The following ROBO1 variants were observed in gnomAD, a reference collection of about 807,000 sequenced individuals.
ROBO1 encodes the protein roundabout guidance receptor 1.
ROBO1 carries 149 observed loss-of-function variants against 195.9 expected under a neutral mutation model. The ratio of observed to expected loss-of-function variants is 0.76; its 90% CI spans 0.67 to 0.87. The LOEUF is 0.87. ROBO1 is among the 40% of genes least tolerant of loss of function. The probability of loss-of-function intolerance (pLI) is 0.00; values close to 1 mark genes in which losing one functional copy is unlikely to be tolerated. For missense variants in ROBO1, 1,933 were observed against 2,068.3 expected, an observed-to-expected ratio of 0.93 and a Z score of 1.27; for synonymous variants, 816 against 733.2, an observed-to-expected ratio of 1.11 and a Z score of -1.82.
intron 2 of ROBO1, among the ~76,000 whole-genome samples, chr3:79,152,352 A>G (rs77439006): frequency 0.027 from 4,158 of 151,914 alleles, 174 homozygotes; most frequent in African/African-American, 0.091. Context: ...TGAGAAAGAA[A>G]ACAGAAAGAA....
intron 1 of ROBO1, among the ~76,000 whole-genome samples, chr3:79,591,257 G>A (rs569601709): frequency 2.6e-5 from 4 of 151,822 alleles, no homozygotes; most frequent in Admixed American, 1.3e-4. Context: ...TGAAAAAAAG[G>A]TTACTAAATT....
intron 10 of ROBO1, among the ~76,000 whole-genome samples, chr3:78,683,667 A>G (rs2080984173): frequency 1.3e-5 from 2 of 152,108 alleles, no homozygotes; most frequent in African/African-American, 4.8e-5. Flanking sequence ...TGCCACTGCA[A>G]TTCAGTGGAG....
At chr3:78,974,205 A>G (rs955427759) in intron 3 of ROBO1, among the ~76,000 whole-genome samples, 2 of 152,190 alleles carry the variant, frequency 1.3e-5, no homozygotes, top group Non-Finnish European at 2.9e-5. Flanking sequence ...TTAGTGTACA[A>G]ATAAAGTCCA....
intron 4 of ROBO1, among the ~76,000 whole-genome samples, chr3:78,861,653 C>G (rs2034848795): frequency 6.6e-6 from 1 of 152,214 alleles, no homozygotes; most frequent in Admixed American, 6.5e-5. Context: ...TTCCCTTACA[C>G]ATCCTTCAGG....
chr3:78,707,134 T>C (rs1457233894), intron 8 of ROBO1, among the ~76,000 whole-genome samples: 1 of 152,140 alleles, frequency 6.6e-6, no homozygotes, highest in Admixed American at 6.5e-5. Flanking sequence ...GGACAGTAAA[T>C]AGGGGTCAAT....
intron 20 of ROBO1, among the ~76,000 whole-genome samples, chr3:78,647,351 T>G (rs1706365975): frequency 6.6e-6 from 1 of 152,030 alleles, no homozygotes; most frequent in Non-Finnish European, 1.5e-5. Context: ...TAAATCATGC[T>G]GAAGGTAGAG....
At chr3:79,188,949 C>T (rs188156642) in intron 2 of ROBO1, among the ~76,000 whole-genome samples, 3 of 151,564 alleles carry the variant, frequency 2.0e-5, no homozygotes, top group African/African-American at 7.3e-5. Flanking sequence ...AAAAGAGGAC[C>T]AAGGGAGCTT....
chr3:78,805,529 A>C lies in ROBO1; in HGVS notation c.500-58629T>G, dbSNP rs190507331. The stretch of plus-strand genomic sequence containing the variant: ...GTTCTAACTCTAGTTATTTATACTC[A>C]CAATAGTATCCAAATATAAATAGGG... On this transcript the variant is annotated intron_variant, in intron 4 of 30. Transcript: ENST00000464233. Among the ~76,000 whole-genome samples, 163 of 152,202 alleles carry C rather than the reference A, an allele frequency of 1.1e-3. 3 individuals are homozygous for C. The highest frequency in any genetic ancestry group is 3.9e-4 in the Admixed American group (6 of 15,288).
rs192911168 is a variant in ROBO1 at position 79,661,595 on chromosome 3, G to C, written c.-50-71634C>G. On this transcript the variant is annotated intron_variant, in intron 1 of 30. Transcript: ENST00000464233. Reference sequence around the variant, plus strand: ...CATTTTTCTTTGTTCTTTCAACCAAGTCGTCTTTCTTTATTCCTGCCTCCC... The same window carrying C: ...CATTTTTCTTTGTTCTTTCAACCAACTCGTCTTTCTTTATTCCTGCCTCCC... Among the ~76,000 whole-genome samples the C allele has an allele frequency of 2.7e-5, 4 of 150,686 alleles. No individual in the cohort carries two copies. The East Asian group carries it at 7.9e-4, about 30-fold the overall frequency.
chr3:79,015,294 G>T (rs2077897774), intron 3 of ROBO1, among the ~76,000 whole-genome samples: 1 of 151,704 alleles, frequency 6.6e-6, no homozygotes, highest in Non-Finnish European at 1.5e-5. Context: ...AGGGAAAGAG[G>T]AAGAGAGACC....
intron 3 of ROBO1, among the ~76,000 whole-genome samples, chr3:79,122,796 C>T (rs116156968): frequency 0.072 from 10,971 of 151,956 alleles, 559 homozygotes; most frequent in Non-Finnish European, 0.11. Flanking sequence ...TAATGATCTT[C>T]TTCTTTTGGG....
chr3:79,363,845 T>A (rs985471165), intron 2 of ROBO1, among the ~76,000 whole-genome samples: 4 of 152,182 alleles, frequency 2.6e-5, no homozygotes, highest in Non-Finnish European at 5.9e-5. Flanking sequence ...AGAAACATAA[T>A]GACATATATT....
At chr3:78,675,597 C>T (rs557660659) in intron 10 of ROBO1, among the ~76,000 whole-genome samples, 4 of 152,104 alleles carry the variant, frequency 2.6e-5, no homozygotes, top group Non-Finnish European at 5.9e-5. Context: ...AACTGCAAGG[C>T]GGCAGCGAGG....
chr3:79,093,866 A>T (rs1178444771), intron 3 of ROBO1, among the ~76,000 whole-genome samples: 1 of 152,048 alleles, frequency 6.6e-6, no homozygotes, highest in Non-Finnish European at 1.5e-5. Flanking sequence ...CAAAGCAGAG[A>T]TGGAAGGATC....
intron 2 of ROBO1, among the ~76,000 whole-genome samples, chr3:79,364,900 A>G (rs1377383763): frequency 6.6e-6 from 1 of 152,198 alleles, no homozygotes; most frequent in Non-Finnish European, 1.5e-5. Flanking sequence ...GTATCAACAG[A>G]ACCCTGAAAG....
At chr3:79,620,305 C>T (rs1441725278) in intron 1 of ROBO1, among the ~76,000 whole-genome samples, 9 of 152,132 alleles carry the variant, frequency 5.9e-5, no homozygotes, top group Non-Finnish European at 7.3e-5. Flanking sequence ...GCTGCCCGAT[C>T]GCCTCGGAAG....
intron 2 of ROBO1, among the ~76,000 whole-genome samples, chr3:79,133,912 C>T (rs2080344134): frequency 6.6e-6 from 1 of 151,798 alleles, no homozygotes; most frequent in Admixed American, 6.6e-5. Flanking sequence ...AGACAGGACC[C>T]TCAGCTGCAG....
At chr3:79,589,402 T>A (rs567279027) in intron 2 of ROBO1, among the ~76,000 whole-genome samples, 18 of 151,870 alleles carry the variant, frequency 1.2e-4, no homozygotes, top group South Asian at 2.1e-4. Flanking sequence ...TTAATTAACA[T>A]GTTACTACGC....
At chr3:78,641,678 C>A (rs1453297457) in intron 21 of ROBO1, among the ~76,000 whole-genome samples, 1 of 152,140 alleles carries the variant, frequency 6.6e-6, no homozygotes, top group Non-Finnish European at 1.5e-5. Flanking sequence ...ATATGTGACA[C>A]AGCAGAGATG....
Sources: allele counts gnomAD v4.1 joint callset (sites outside exome capture counted in the v4.1 genomes callset), GRCh38; gene constraint gnomAD v4.1.1; transcripts MANE v1.5; gene names NCBI Gene and HGNC (gene_info 2026-07-23, HGNC 2026-07-21).